Variants in BOLL observed in about 807,000 individuals in gnomAD.
BOLL encodes boule RNA binding protein, also known as protein boule-like.
A neutral mutation model predicts 44.4 loss-of-function variants in BOLL; 23 were observed. The observed-to-expected ratio is 0.52, with a 90% confidence interval of 0.37 to 0.73. The LOEUF (loss-of-function observed/expected upper bound fraction) is 0.73, where lower values mean the gene tolerates loss of function less well. BOLL is among the 30% of genes least tolerant of loss of function. The pLI is 0.00. For missense variants in BOLL, 287 were observed against 338.3 expected, an observed-to-expected ratio of 0.85 and a Z score of 1.19; for synonymous variants, 97 against 110.8, an observed-to-expected ratio of 0.88 and a Z score of 0.78.
chr2:197,755,444 G>A (rs1161773990), intron 9 of BOLL, among the ~76,000 whole-genome samples: 3 of 152,190 alleles, frequency 2.0e-5, no homozygotes, highest in Non-Finnish European at 4.4e-5. Flanking sequence ...ATATGCATGT[G>A]TATGTTCATT....
intron 2 of BOLL, among the ~76,000 whole-genome samples, chr2:197,780,724 T>C (rs996977191): frequency 6.6e-6 from 1 of 151,980 alleles, no homozygotes; most frequent in Non-Finnish European, 1.5e-5. Flanking sequence ...TGTAACAGAT[T>C]GGTTATATGG....
intron 3 of BOLL, among the ~76,000 whole-genome samples, 170 bp downstream of exon 3, chr2:197,778,805 T>C (rs112641536): frequency 2.1e-5 from 3 of 143,490 alleles, no homozygotes; most frequent in Non-Finnish European, 4.6e-5. Flanking sequence ...CCCTCCAAAA[T>C]ACACACACAC....
chr2:197,729,622 G>T (rs1002500314), intron 10 of BOLL, among the ~76,000 whole-genome samples: 3 of 152,202 alleles, frequency 2.0e-5, no homozygotes, highest in South Asian at 2.1e-4. Flanking sequence ...ATCTGAGAAC[G>T]GGCAGACTGC....
chr2:197,749,717 C>T (rs143536634), intron 9 of BOLL, among the ~76,000 whole-genome samples: 2 of 152,054 alleles, frequency 1.3e-5, no homozygotes, highest in Non-Finnish European at 2.9e-5. Flanking sequence ...ACAAAGCCTT[C>T]AAGAAATATG....
At chr2:197,766,394 G>A in intron 7 of BOLL, 138 bp downstream of exon 7, 1 of 747,830 alleles carries the variant, frequency 1.3e-6, no homozygotes, top group Non-Finnish European at 2.3e-6. Flanking sequence ...GTATATCAAT[G>A]TGGTTTTGAT....
At chr2:197,742,140 C>T (rs80205378) in intron 10 of BOLL, among the ~76,000 whole-genome samples, 2,039 of 152,186 alleles carry the variant, frequency 0.013, 26 homozygotes, top group Middle Eastern at 0.031. Context: ...GTTAGAATGG[C>T]GATCATTAAA....
chr2:197,752,683 G>A (rs1224563636), intron 9 of BOLL, among the ~76,000 whole-genome samples: 3 of 152,210 alleles, frequency 2.0e-5, no homozygotes, highest in East Asian at 1.9e-4. Context: ...AACATTCCAT[G>A]CTTATGGATA....
At chr2:197,757,770 C>T (rs920275442) in intron 7 of BOLL, among the ~76,000 whole-genome samples, 3 of 152,098 alleles carry the variant, frequency 2.0e-5, no homozygotes, top group African/African-American at 4.8e-5. Context: ...AAACATGGAA[C>T]TTATATCAAG....
intron 6 of BOLL, among the ~76,000 whole-genome samples, chr2:197,770,081 C>A (rs759223741): frequency 6.6e-6 from 1 of 152,086 alleles, no homozygotes; most frequent in Non-Finnish European, 1.5e-5. Context: ...GGAGGCATCA[C>A]GCTAGCTGAC....
chr2:197,741,472 C>T (rs1401635728), intron 10 of BOLL, among the ~76,000 whole-genome samples: 3 of 152,032 alleles, frequency 2.0e-5, no homozygotes, highest in Non-Finnish European at 2.9e-5. Context: ...AGATAGAGAC[C>T]AATGGAACAG....
chr2:197,775,702 A>G lies in BOLL; in HGVS notation c.315T>C (p.Ile105=). ...CTTGTTGTTTTCTTATTGCTGGACC[A>G]ATGTTCAGCTTCTTATCCTTATAAT... is the stretch of plus-strand genomic sequence containing the variant. The part of the protein sequence containing the change: ...KLNYKDKKLN[I]GPAIRKQQVG... The change falls in exon 5 of 11, where the codon ATT becomes ATC. Residue 105 remains isoleucine (I), a synonymous_variant. Coordinates refer to ENST00000392296, the MANE Select transcript of BOLL (RefSeq NM_033030.6). The G allele has an allele frequency of 6.4e-7, 1 of 1,567,630 alleles. No individual in the cohort carries two copies. The highest frequency in any genetic ancestry group is 8.7e-7 in the Non-Finnish European group (1 of 1,155,370).
intron 9 of BOLL, among the ~76,000 whole-genome samples, chr2:197,752,206 C>A (rs1333467946): frequency 6.6e-6 from 1 of 152,132 alleles, no homozygotes. Flanking sequence ...ACTGAATGGG[C>A]AAAAGCTGGA....
At position 197,728,570 on chromosome 2, in the gene BOLL, C is replaced by G. The variant is rs773979592; in HGVS notation, c.837G>C (p.Trp279Cys). 2 of 1,607,042 alleles carry G rather than the reference C, an allele frequency of 1.2e-6. No individual in the cohort carries two copies. Among genetic ancestry groups the G allele is most frequent in the Admixed American group, 1.7e-5 (1 of 59,644 alleles). Reference protein sequence around the residue: ...VMQPEPIKTVWSIHY With the variant: ...VMQPEPIKTVCSIHY ...CCCAATTGTCTTAATAATGAATGCT[C>G]CACACTGTCTGTTAAGTAAAGAGAA... Residue 279 changes from tryptophan (W) to cysteine (C), a missense_variant, in exon 11 of 11, where the codon TGG (tryptophan) becomes TGC (cysteine). By Grantham distance (215) the Trp-to-Cys change is radical. Coordinates refer to ENST00000392296, the MANE Select transcript of BOLL (RefSeq NM_033030.6).
intron 4 of BOLL, 77 bp downstream of exon 4, chr2:197,776,982 T>C (rs993629807): frequency 6.2e-6 from 7 of 1,138,106 alleles, no homozygotes; most frequent in Non-Finnish European, 8.8e-6. Context: ...AGTTGATTAT[T>C]GTATTTGAAC....
chr2:197,759,139 G>A, intron 7 of BOLL: 1 of 726,604 alleles, frequency 1.4e-6, no homozygotes, highest in Non-Finnish European at 2.3e-6. Context: ...AATTTGACAG[G>A]AGCATCAAAA....
At chr2:197,738,625 T>G (rs1225724795) in intron 10 of BOLL, among the ~76,000 whole-genome samples, 7 of 152,214 alleles carry the variant, frequency 4.6e-5, no homozygotes, top group Non-Finnish European at 1.0e-4. Context: ...ATAGATTTGT[T>G]GCTTCAAGAT....
chr2:197,784,736 A>G, intron 1 of BOLL: 2 of 987,548 alleles, frequency 2.0e-6, no homozygotes, highest in Non-Finnish European at 2.4e-6. Flanking sequence ...CCTACAAAAT[A>G]TTTTAATGTT....
At chr2:197,769,497 C>T (rs1449678578) in intron 6 of BOLL, among the ~76,000 whole-genome samples, 1 of 152,024 alleles carries the variant, frequency 6.6e-6, no homozygotes, top group Non-Finnish European at 1.5e-5. Flanking sequence ...AAAGTTCTGG[C>T]CAGGGCAATC....
At position 197,781,765 on chromosome 2, in the gene BOLL, G is replaced by A. The variant is rs1244470996; in HGVS notation, c.86C>T (p.Thr29Ile). The A allele has an allele frequency of 3.7e-6, 6 of 1,604,960 alleles. No individual in the cohort carries two copies. The highest frequency in any genetic ancestry group is 5.1e-6 in the Non-Finnish European group (6 of 1,173,766). Residue 29 changes from threonine (T) to isoleucine (I), a missense_variant, in exon 2 of 11, where the codon ACA becomes ATA. Thr to Ile is a moderately conservative substitution (Grantham distance 89). Coordinates refer to ENST00000392296, the MANE Select transcript of BOLL (RefSeq NM_033030.6). ...TACAAAGATGCGATTAGGGATCACT[G>A]TTCCATATCTTGGGGCACTTGTTGG... ...NNPTSAPRYG[T>I]VIPNRIFVGG...
Sources: allele counts gnomAD v4.1 joint callset (sites outside exome capture counted in the v4.1 genomes callset), GRCh38; gene constraint gnomAD v4.1.1; transcripts MANE v1.5; gene names NCBI Gene and HGNC (gene_info 2026-07-23, HGNC 2026-07-21).